The following MAST4 variants were observed in gnomAD, a reference collection of about 807,000 sequenced individuals.
MAST4 encodes the protein microtubule associated serine/threonine kinase family member 4.
In MAST4, 89 loss-of-function variants were observed where a neutral mutation model predicts 162.7. The observed-to-expected ratio is 0.55, with a 90% CI of 0.46 to 0.65. MAST4 has a LOEUF of 0.65. MAST4 is among the 30% of genes least tolerant of loss of function. MAST4 has a pLI of 0.00. For missense variants in MAST4, 3,153 were observed against 3,374.0 expected (o/e 0.93, Z 1.62); for synonymous variants, 1,479 against 1,361.1 (o/e 1.09, Z -1.91).
chr5:66,749,372 G>T (rs539025292), intron 1 of MAST4, among the ~76,000 whole-genome samples: 1 of 152,158 alleles, frequency 6.6e-6, no homozygotes, highest in Non-Finnish European at 1.5e-5. Context: ...ACAGATGCCC[G>T]TAGCATAGGC....
intron 10 of MAST4, among the ~76,000 whole-genome samples, chr5:67,105,019 G>C (rs556062600): frequency 6.6e-6 from 1 of 152,204 alleles, no homozygotes; most frequent in African/African-American, 2.4e-5. Flanking sequence ...GTTGAGTAGT[G>C]AATGGCAACC....
chr5:66,760,031 T>G (rs1426101927), intron 2 of MAST4, among the ~76,000 whole-genome samples, 169 bp downstream of exon 2: 1 of 152,196 alleles, frequency 6.6e-6, no homozygotes, highest in East Asian at 1.9e-4. Flanking sequence ...AAAATTTTAT[T>G]AATAAACTTT....
At chr5:66,788,826 TC>T (rs1561331806) in intron 3 of MAST4, 32 bp downstream of exon 3, 1 of 1,521,236 alleles carries the variant, frequency 6.6e-7, no homozygotes, top group African/African-American at 1.4e-5. Flanking sequence ...TGGAGGCTGC[TC>T]CAGCTCACCA....
chr5:66,611,231 G>T (rs1468120668), intron 1 of MAST4, among the ~76,000 whole-genome samples: 2 of 152,192 alleles, frequency 1.3e-5, no homozygotes, highest in African/African-American at 2.4e-5. Flanking sequence ...CAGATAGTGG[G>T]ATAGCTCCTG....
intron 4 of MAST4, among the ~76,000 whole-genome samples, chr5:66,996,247 C>G (rs1292221322): frequency 2.0e-5 from 3 of 151,926 alleles, no homozygotes; most frequent in African/African-American, 7.3e-5. Flanking sequence ...CCATTGCACT[C>G]CAGCCTGGGC....
chr5:67,067,065 A>C (rs1760332226), intron 5 of MAST4, among the ~76,000 whole-genome samples: 1 of 152,224 alleles, frequency 6.6e-6, no homozygotes, highest in Non-Finnish European at 1.5e-5. Context: ...AGAAGGAACT[A>C]TTGCAGGAGG....
chr5:66,825,816 A>C (rs74732272), intron 3 of MAST4, among the ~76,000 whole-genome samples: 4,912 of 152,222 alleles, frequency 0.032, 245 homozygotes, highest in African/African-American at 0.11. Flanking sequence ...TTAATGACAA[A>C]GCCTACCAGA....
intron 5 of MAST4, among the ~76,000 whole-genome samples, chr5:67,077,025 G>A (rs751106084): frequency 2.0e-5 from 3 of 152,156 alleles, no homozygotes; most frequent in Admixed American, 6.5e-5. Context: ...CTAAAGCCTG[G>A]CTGTGCATTT....
Position 67,133,666 on chromosome 5 carries a change from A to C in MAST4, c.2226+20A>C, listed in dbSNP as rs1486693925. ...AAACAGGTAAGCTTGGGTGCCATTT[A>C]GTTTATTGAGAAATACAAAGTATGG... On this transcript the variant is annotated intron_variant, in intron 17 of 28. Transcript: ENST00000403625. 13 of 1,611,568 alleles carry C rather than the reference A, an allele frequency of 8.1e-6. No individual in the cohort carries two copies. Among genetic ancestry groups the C allele is most frequent in the Non-Finnish European group, 1.1e-5 (13 of 1,178,586 alleles).
intron 3 of MAST4, among the ~76,000 whole-genome samples, chr5:66,819,733 A>G (rs1348746313): frequency 1.3e-5 from 2 of 149,392 alleles, no homozygotes; most frequent in African/African-American, 4.9e-5. Flanking sequence ...TGGCTAGGCA[A>G]CAGTGCATTT....
intron 4 of MAST4, among the ~76,000 whole-genome samples, chr5:66,956,011 C>T (rs920048086): frequency 2.0e-5 from 3 of 150,874 alleles, no homozygotes; most frequent in African/African-American, 7.3e-5. Flanking sequence ...TTGGTAAAGA[C>T]AGGGTCTTGC....
chr5:67,147,180 C>T (rs1380887693), intron 23 of MAST4, among the ~76,000 whole-genome samples: 1 of 151,940 alleles, frequency 6.6e-6, no homozygotes, highest in African/African-American at 2.4e-5. Flanking sequence ...TCTCTCTCTC[C>T]CCCATACGCA....
At chr5:66,851,434 T>C (rs1759307182) in intron 3 of MAST4, among the ~76,000 whole-genome samples, 1 of 152,206 alleles carries the variant, frequency 6.6e-6, no homozygotes, top group Non-Finnish European at 1.5e-5. Flanking sequence ...GTAACAAATT[T>C]TTGTTACACA....
intron 3 of MAST4, among the ~76,000 whole-genome samples, chr5:66,860,329 A>G (rs1259559228): frequency 6.6e-6 from 1 of 152,246 alleles, no homozygotes; most frequent in South Asian, 2.1e-4. Context: ...TCACAGATCC[A>G]CAAGGGTATC....
intron 1 of MAST4, among the ~76,000 whole-genome samples, chr5:66,651,187 T>G (rs773590374): frequency 6.6e-5 from 10 of 152,076 alleles, no homozygotes; most frequent in Non-Finnish European, 1.5e-4. Context: ...AATCTTTTTT[T>G]TTTTGAAAAA....
intron 1 of MAST4, among the ~76,000 whole-genome samples, chr5:66,598,265 T>A (rs1742327922): frequency 6.6e-6 from 1 of 152,156 alleles, no homozygotes; most frequent in South Asian, 2.1e-4. Flanking sequence ...ATTGCAAGGA[T>A]CCTGGATAAG....
intron 5 of MAST4, among the ~76,000 whole-genome samples, chr5:67,078,913 T>TAAATAAATATATATATA (rs1184932403): frequency 4.8e-5 from 3 of 62,840 alleles, no homozygotes; most frequent in East Asian, 4.9e-4. Context: ...TTTATATAAA[T>TAAATAAATATATATATA]ATATATATAT....
chr5:66,603,883 G>C lies in MAST4; in HGVS notation c.363+6865G>C, dbSNP rs556832928. ...CATCTTGTTCTCTTTTATGTGTCCAGTATTTTGTCTGGCTTCTTATTTGAT... is the reference window on the plus strand; with the variant it reads ...CATCTTGTTCTCTTTTATGTGTCCACTATTTTGTCTGGCTTCTTATTTGAT... On this transcript the variant is annotated intron_variant, in intron 1 of 28. Transcript: ENST00000403625. Among the ~76,000 whole-genome samples, 43 of 152,198 alleles carry C rather than the reference G, an allele frequency of 2.8e-4. 1 individual carries two copies. Among genetic ancestry groups the C allele is most frequent in the Non-Finnish European group, 5.9e-5 (4 of 68,036 alleles).
intron 1 of MAST4, among the ~76,000 whole-genome samples, chr5:66,695,701 A>T (rs556779619): frequency 6.6e-6 from 1 of 152,310 alleles, no homozygotes; most frequent in South Asian, 2.1e-4. Context: ...GTGAAGAAAC[A>T]ACAGATGCTG....
Sources: gnomAD v4.1 joint callset for allele counts (sites outside exome capture counted in the v4.1 genomes callset) on GRCh38, gnomAD v4.1.1 for gene constraint, MANE v1.5 for transcripts, NCBI Gene and HGNC (gene_info 2026-07-23, HGNC 2026-07-21) for gene names.